MYO5C: variants seen among roughly 807,000 people sequenced by gnomAD.
The protein encoded by MYO5C is unconventional myosin-Vc.
Under a neutral mutation model 235.7 loss-of-function variants are expected in MYO5C, and 194 were observed. The ratio of observed to expected loss-of-function variants is 0.82; its 90% CI spans 0.73 to 0.93. The LOEUF (loss-of-function observed/expected upper bound fraction) is 0.93. MYO5C is among the 40% of genes least tolerant of loss of function. The pLI is 0.00. For synonymous variants in MYO5C, 707 were observed against 754.8 expected (o/e 0.94, Z 1.04); for missense variants, 2,038 against 2,127.2 (o/e 0.96, Z 0.82).
At chr15:52,283,619 A>G (rs888051910) in intron 1 of MYO5C, among the ~76,000 whole-genome samples, 1 of 152,078 alleles carries the variant, frequency 6.6e-6, no homozygotes, top group Non-Finnish European at 1.5e-5. Context: ...TCTGAGAAGG[A>G]TCTTCAGAAG....
chr15:52,198,228 G>C (rs531065943), intron 38 of MYO5C, among the ~76,000 whole-genome samples: 3 of 152,062 alleles, frequency 2.0e-5, no homozygotes, highest in Admixed American at 6.5e-5. Flanking sequence ...CCAGCTACTC[G>C]GGAGGCTGAG....
intron 2 of MYO5C, among the ~76,000 whole-genome samples, chr15:52,282,392 G>A (rs1465173663): frequency 6.6e-6 from 1 of 152,072 alleles, no homozygotes; most frequent in Admixed American, 6.6e-5. Flanking sequence ...GTATGCCTTG[G>A]GCTCAAACGA....
intron 29 of MYO5C, among the ~76,000 whole-genome samples, chr15:52,221,805 A>T (rs1420936704): frequency 6.6e-6 from 1 of 152,208 alleles, no homozygotes; most frequent in Admixed American, 6.5e-5. Context: ...GTTTATAAAC[A>T]TGCTCATTTT....
chr15:52,250,476 T>C (rs1336281275), intron 13 of MYO5C, among the ~76,000 whole-genome samples: 1 of 152,134 alleles, frequency 6.6e-6, no homozygotes, highest in Non-Finnish European at 1.5e-5. Flanking sequence ...ACTCCTGGTC[T>C]CAAGCGATCC....
chr15:52,230,064 G>A (rs2035914345), intron 24 of MYO5C, among the ~76,000 whole-genome samples: 1 of 152,232 alleles, frequency 6.6e-6, no homozygotes, highest in South Asian at 2.1e-4. Context: ...AGAGCTATCT[G>A]CTATGTCCAG....
At chr15:52,247,338 T>C (rs2036372520) in intron 15 of MYO5C, 120 bp downstream of exon 15, 3 of 1,187,840 alleles carry the variant, frequency 2.5e-6, no homozygotes, top group Admixed American at 2.3e-5. Context: ...CCATGTTAGA[T>C]TGGAAGAGCC....
chr15:52,272,314 T>C (rs1277981547), intron 6 of MYO5C, among the ~76,000 whole-genome samples: 2 of 152,238 alleles, frequency 1.3e-5, no homozygotes, highest in East Asian at 3.8e-4. Context: ...AAAGAGATAC[T>C]TGCTTTTTAA....
rs571858845 is a variant in MYO5C, at chr15:52,286,355, G to A, written c.28-3463C>T. Among the ~76,000 whole-genome samples, 19 of 150,798 alleles carry A rather than the reference G, an allele frequency of 1.3e-4. No homozygotes were observed. The South Asian group carries it at 4.0e-3, about 32-fold the overall frequency. Reference sequence around the variant, plus strand: ...CCCCGCCCGGCCAGCCGCCCCGTCCGGGAGGTGAGGGGCGCCTCTGCCCGG... The same window carrying A: ...CCCCGCCCGGCCAGCCGCCCCGTCCAGGAGGTGAGGGGCGCCTCTGCCCGG... On this transcript the variant is annotated intron_variant, in intron 1 of 40. Coordinates refer to ENST00000261839, the MANE Select transcript of MYO5C (RefSeq NM_018728.4).
chr15:52,227,859 T>G, intron 25 of MYO5C, among the ~76,000 whole-genome samples: 1 of 152,226 alleles, frequency 6.6e-6, no homozygotes, highest in East Asian at 1.9e-4. Flanking sequence ...CATGGCTAGT[T>G]CATGACAATT....
At chr15:52,208,904 C>T (rs1286716157) in intron 35 of MYO5C, among the ~76,000 whole-genome samples, 1 of 152,088 alleles carries the variant, frequency 6.6e-6, no homozygotes, top group Non-Finnish European at 1.5e-5. Context: ...ATGCAAGTTT[C>T]ACTTCTTGCT....
Position 52,247,302 on chromosome 15 carries a change from C to T in MYO5C, c.1881+156G>A, listed in dbSNP as rs866131751. 4.6e-5 allele frequency among the ~76,000 whole-genome samples: 7 copies of T among 152,106 alleles called. No individual in the cohort carries two copies. The South Asian group carries it at 1.2e-3, about 27-fold the overall frequency. ...TGCTGCCTTGGAGGTGGAAGTATGA[C>T]GACGATGAACTTTTTGCAGTGGAGT... On this transcript the variant is annotated intron_variant, in intron 15 of 40. Coordinates refer to ENST00000261839, the MANE Select transcript of MYO5C (RefSeq NM_018728.4).
Position 52,279,391 on chromosome 15 carries a change from C to A in MYO5C, c.304+118G>T, listed in dbSNP as rs982553452. On this transcript the variant is annotated intron_variant, in intron 3 of 40. Transcript: ENST00000261839. ...TTGTTGAAGATTCTCCCCACCCAGACACTTCTTTTTACAACAAACTCTGGG... is the reference window on the plus strand; with the variant it reads ...TTGTTGAAGATTCTCCCCACCCAGAAACTTCTTTTTACAACAAACTCTGGG... 8 of 1,029,340 alleles carry A rather than the reference C, an allele frequency of 7.8e-6. No homozygotes were observed. The African/African-American group carries it at 1.1e-4, about 14-fold the overall frequency. The allele number at this position is 1,029,340 out of a possible 1,614,324, so 63.8% of individuals were successfully genotyped here.
intron 16 of MYO5C, 74 bp downstream of exon 16, chr15:52,246,843 G>T: frequency 8.1e-7 from 1 of 1,227,526 alleles, no homozygotes; most frequent in Non-Finnish European, 1.2e-6. Context: ...AAGACAATTG[G>T]AAGCAAATTC....
intron 1 of MYO5C, among the ~76,000 whole-genome samples, chr15:52,288,318 A>AT (rs1199985303): frequency 2.0e-5 from 3 of 152,210 alleles, no homozygotes; most frequent in Non-Finnish European, 4.4e-5. Context: ...TCTACTTGAG[A>AT]GTCCATGTGC....
intron 1 of MYO5C, among the ~76,000 whole-genome samples, chr15:52,291,445 C>T (rs1409214134): frequency 6.6e-6 from 1 of 152,158 alleles, no homozygotes; most frequent in Non-Finnish European, 1.5e-5. Flanking sequence ...GCCTCAGGCC[C>T]TCACTCCTTT....
Position 52,233,298 on chromosome 15 carries a change from TTAAAAAAAAAAAA to T in MYO5C, c.2963-626_2963-614del, listed in dbSNP as rs1566972084. ...CGTCTCAAAAAAAAAAAAAAAAAAATTAAAAAAAAAAAAAAATAAATAAATAAATAGAAACCCT... is the reference window on the plus strand; with the variant it reads ...CGTCTCAAAAAAAAAAAAAAAAAAATAAATAAATAAATAAATAGAAACCCT... On this transcript the variant is annotated intron_variant, in intron 23 of 40. Coordinates refer to ENST00000261839, the MANE Select transcript of MYO5C (RefSeq NM_018728.4). Among the ~76,000 whole-genome samples the T allele has an allele frequency of 2.3e-4, 33 of 141,566 alleles. 6 individuals carry two copies. Among genetic ancestry groups the T allele is most frequent in the African/African-American group, 9.4e-4 (33 of 35,270 alleles). 92.9% of individuals were successfully genotyped at this position (141,566 alleles called of 152,430 possible).
intron 32 of MYO5C, among the ~76,000 whole-genome samples, chr15:52,215,877 G>C (rs536297168): frequency 2.9e-4 from 44 of 152,230 alleles, no homozygotes; most frequent in African/African-American, 1.1e-3. Context: ...TAACAGCCAA[G>C]TCATATTATA....
intron 29 of MYO5C, among the ~76,000 whole-genome samples, chr15:52,222,610 G>GACAGAATGGGGTGGTGGGC (rs1566967738): frequency 3.3e-5 from 5 of 149,894 alleles, no homozygotes; most frequent in African/African-American, 1.2e-4. Context: ...CAGTGGTGGG[G>GACAGAATGGGGTGGTGGGC]ACACACGACA....
chr15:52,292,374 G>A (rs1485788814), intron 1 of MYO5C, among the ~76,000 whole-genome samples: 2 of 152,222 alleles, frequency 1.3e-5, no homozygotes, highest in South Asian at 2.1e-4. Flanking sequence ...AACCAAGGTG[G>A]TGGTAGTGAG....
Sources: gnomAD v4.1 joint callset for allele counts (sites outside exome capture counted in the v4.1 genomes callset) on GRCh38, gnomAD v4.1.1 for gene constraint, MANE v1.5 for transcripts, NCBI Gene and HGNC (gene_info 2026-07-23, HGNC 2026-07-21) for gene names.